MAPK10: variants seen among roughly 807,000 people sequenced by gnomAD.
MAPK10 encodes mitogen-activated protein kinase 10, also known as JNK3 alpha protein kinase.
MAPK10 carries 25 observed loss-of-function variants against 59.3 expected under a neutral mutation model. The observed-to-expected ratio is 0.42, with a 90% CI of 0.31 to 0.59. The LOEUF (loss-of-function observed/expected upper bound fraction) is 0.59. MAPK10 is among the 20% of genes least tolerant of loss of function. The pLI, the probability that MAPK10 is intolerant of heterozygous loss-of-function variation, is 0.15. For missense variants in MAPK10, 351 were observed against 568.9 expected (o/e 0.62, Z 3.90); for synonymous variants, 190 against 200.5 (o/e 0.95, Z 0.44).
At chr4:86,512,153 A>G (rs908817136) in intron 1 of MAPK10, among the ~76,000 whole-genome samples, 2 of 152,228 alleles carry the variant, frequency 1.3e-5, no homozygotes, top group East Asian at 1.9e-4. Flanking sequence ...TTCTTAAGCT[A>G]TCTATAGTTT....
Position 86,171,615 on chromosome 4 carries a change from A to G in MAPK10, c.67-12148T>C, listed in dbSNP as rs541685504. Among the ~76,000 whole-genome samples the G allele has an allele frequency of 9.8e-5, 15 of 152,360 alleles. No homozygotes were observed. In the South Asian group the frequency reaches 2.3e-3, roughly 23 times the overall value. On this transcript the variant is annotated intron_variant, in intron 3 of 13. Transcript: ENST00000641462. ...AGACTTAAATGTTAGATCTAAAACCATAAAAACCCTAGGAGAAAACCTAGG... is the reference window on the plus strand; with the variant it reads ...AGACTTAAATGTTAGATCTAAAACCGTAAAAACCCTAGGAGAAAACCTAGG...
At chr4:86,178,595 A>G (rs1314921948) in intron 3 of MAPK10, among the ~76,000 whole-genome samples, 1 of 151,988 alleles carries the variant, frequency 6.6e-6, no homozygotes, top group Non-Finnish European at 1.5e-5. Context: ...TGAATAGGGA[A>G]AACCTTAAAG....
chr4:86,052,796 G>T (rs1417700518), intron 11 of MAPK10, among the ~76,000 whole-genome samples: 1 of 152,100 alleles, frequency 6.6e-6, no homozygotes, highest in Non-Finnish European at 1.5e-5. Flanking sequence ...CCAGGTTTAA[G>T]CCATTCTCCC....
chr4:86,109,250 T>C (rs1055139560), intron 4 of MAPK10, among the ~76,000 whole-genome samples: 5 of 152,326 alleles, frequency 3.3e-5, no homozygotes, highest in African/African-American at 7.2e-5. Flanking sequence ...TTAAAGTTCC[T>C]GGGTACATGT....
chr4:86,496,460 T>C (rs1340952393), intron 1 of MAPK10, among the ~76,000 whole-genome samples: 1 of 152,240 alleles, frequency 6.6e-6, no homozygotes, highest in Non-Finnish European at 1.5e-5. Context: ...ATTAATTTTG[T>C]ATTTGGAATC....
intron 6 of MAPK10, 81 bp downstream of exon 6, chr4:86,103,105 G>GTGTT: frequency 1.3e-6 from 1 of 793,960 alleles, no homozygotes; most frequent in South Asian, 1.5e-5. Flanking sequence ...GTGTGTGTGT[G>GTGTT]TGTGTGTGTG....
chr4:86,092,535 A>G (rs1249988479), intron 9 of MAPK10, among the ~76,000 whole-genome samples: 1 of 152,016 alleles, frequency 6.6e-6, no homozygotes, highest in Non-Finnish European at 1.5e-5. Flanking sequence ...ACAGGAAGGT[A>G]GTAGTAGTAA....
intron 2 of MAPK10, among the ~76,000 whole-genome samples, chr4:86,196,821 T>G (rs1333310498): frequency 6.6e-6 from 1 of 152,232 alleles, no homozygotes; most frequent in Non-Finnish European, 1.5e-5. Flanking sequence ...TAGGGAATCC[T>G]TTCCTCATGG....
Position 86,066,452 on chromosome 4 carries a change from A to G in MAPK10, c.985+1321T>C, listed in dbSNP as rs563667159. Among the ~76,000 whole-genome samples the G allele has an allele frequency of 5.3e-5, 8 of 152,010 alleles. No individual in the cohort carries two copies. In the South Asian group the frequency reaches 1.5e-3, roughly 28 times the overall value. ...TAAGATTCTCTCATCAAATCTATCC[A>G]TTTTTCTGCTCTTAGAAAGGGCTGG... On this transcript the variant is annotated intron_variant, in intron 10 of 13. Transcript: ENST00000641462.
chr4:86,347,737 A>T (rs775935985), intron 2 of MAPK10, among the ~76,000 whole-genome samples: 6 of 152,064 alleles, frequency 3.9e-5, no homozygotes, highest in Non-Finnish European at 7.4e-5. Flanking sequence ...CATGGTGGAA[A>T]ATACTAGCTA....
intron 2 of MAPK10, among the ~76,000 whole-genome samples, chr4:86,232,460 G>A (rs1192696012): frequency 1.3e-5 from 2 of 150,770 alleles, no homozygotes; most frequent in African/African-American, 2.4e-5. Context: ...TGCAAGCTCC[G>A]CCTCCTGGGT....
chr4:86,465,551 A>G (rs1177837542), intron 1 of MAPK10, among the ~76,000 whole-genome samples: 1 of 152,274 alleles, frequency 6.6e-6, no homozygotes, highest in South Asian at 2.1e-4. Flanking sequence ...TGCTATCAGA[A>G]GCTGAACAGC....
At position 86,320,089 on chromosome 4, in the gene MAPK10, G is replaced by A. The variant is rs139459457; in HGVS notation, c.-7+34441C>T. Among the ~76,000 whole-genome samples, 971 of 152,294 alleles carry A rather than the reference G, an allele frequency of 6.4e-3. 7 individuals carry two copies. The highest frequency in any genetic ancestry group is 0.021 in the African/African-American group (864 of 41,572). ...GAGCAACGGTGGTATTGGGAGGCAC[G>A]AAACCTGGAGTCTAGTTCTGTTACT... On this transcript the variant is annotated intron_variant, in intron 2 of 13. Transcript: ENST00000641462.
intron 4 of MAPK10, among the ~76,000 whole-genome samples, chr4:86,155,948 T>A: frequency 6.6e-6 from 1 of 152,076 alleles, no homozygotes; most frequent in East Asian, 1.9e-4. Context: ...AGGTGTATCA[T>A]AGACAGCCTG....
At chr4:86,241,166 C>T (rs1218608969) in intron 2 of MAPK10, among the ~76,000 whole-genome samples, 2 of 152,170 alleles carry the variant, frequency 1.3e-5, no homozygotes, top group South Asian at 4.1e-4. Flanking sequence ...TATTGGCCCC[C>T]AATATCTTCT....
intron 1 of MAPK10, among the ~76,000 whole-genome samples, chr4:86,547,453 T>C (rs112283304): frequency 0.047 from 7,132 of 152,306 alleles, 221 homozygotes; most frequent in African/African-American, 0.059. Context: ...CAGCAACTGC[T>C]GTGCTCAAAA....
At chr4:86,584,987 C>T (rs1446670120) in intron 1 of MAPK10, among the ~76,000 whole-genome samples, 1 of 152,132 alleles carries the variant, frequency 6.6e-6, no homozygotes, top group Non-Finnish European at 1.5e-5. Flanking sequence ...TTTTATCCAA[C>T]TTTTAATCCA....
In MAPK10 at chr4:86,107,349, G is replaced by A. The variant is rs1157931605; in HGVS notation, c.240C>T (p.Ala80=). 3.7e-6 allele frequency: 6 copies of A among 1,609,984 alleles called. No homozygotes were observed. Among genetic ancestry groups the A allele is most frequent in the South Asian group, 2.2e-5 (2 of 90,288 alleles). The change falls in exon 5 of 14, where the codon GCC becomes GCT. Residue 80 remains alanine (A), a synonymous_variant. Transcript: ENST00000641462. The part of the protein sequence containing the change: ...IGSGAQGIVC[A]AYDAVLDRNV... ...TTCTGTCAAGGACAGCATCATACGC[G>A]GCACTGTAGAGATCCAAGAGCAACT...
At chr4:86,529,505 A>G (rs1579491392) in intron 1 of MAPK10, among the ~76,000 whole-genome samples, 1 of 152,334 alleles carries the variant, frequency 6.6e-6, no homozygotes, top group African/African-American at 2.4e-5. Flanking sequence ...CAGGAAGTCT[A>G]CTACTTCAGA....
Sources: allele counts gnomAD v4.1 joint callset (sites outside exome capture counted in the v4.1 genomes callset), GRCh38; gene constraint gnomAD v4.1.1; transcripts MANE v1.5; gene names NCBI Gene and HGNC (gene_info 2026-07-23, HGNC 2026-07-21).